LONRF2: variants seen among roughly 807,000 people sequenced by gnomAD.
The protein encoded by LONRF2 is LON peptidase N-terminal domain and ring finger 2, also known as LON peptidase N-terminal domain and RING finger protein 2.
LONRF2 carries 35 observed loss-of-function variants against 66.6 expected under a neutral mutation model. That is an observed-to-expected ratio of 0.53 (90% CI 0.40 to 0.70). LONRF2 has a LOEUF of 0.70. Ranked by LOEUF, LONRF2 falls within the 30% of genes least tolerant of loss-of-function variation. The pLI is 0.00. For missense variants in LONRF2, 902 were observed against 1,002.1 expected (o/e 0.90, Z 1.35); for synonymous variants, 417 against 418.1 (o/e 1.00, Z 0.03).
At chr2:100,306,880 C>T (rs985829598) in intron 2 of LONRF2, among the ~76,000 whole-genome samples, 1 of 146,330 alleles carries the variant, frequency 6.8e-6, no homozygotes, top group African/African-American at 2.5e-5. Context: ...ATATCTTTTA[C>T]TATCTTAAAC....
chr2:100,294,140 T>A, intron 9 of LONRF2, 89 bp downstream of exon 9: 2 of 1,506,120 alleles, frequency 1.3e-6, no homozygotes, highest in Non-Finnish European at 1.8e-6. Flanking sequence ...CTGGAGGTTT[T>A]CAAGCATCAG....
intron 1 of LONRF2, among the ~76,000 whole-genome samples, chr2:100,312,931 G>T (rs963610652): frequency 1.8e-4 from 27 of 152,178 alleles, no homozygotes; most frequent in Non-Finnish European, 2.9e-4. Context: ...GAAGAAAAAT[G>T]TACATATGTA....
rs770324425 is a variant in LONRF2, at chr2:100,321,514, C to G, written c.580G>C (p.Glu194Gln). Residue 194 changes from glutamate to glutamine, a missense_variant, in exon 1 of 12, where the codon GAG becomes CAG. Transcript: ENST00000393437. ...CCTGCCAGCCTGCGCAGCCGGCACT[C>G]GGCCGGGAAGCACTTCTCCAGCAGG... ...SGLLEKCFPA[E>Q]CRLRRLAGQA... The G allele has an allele frequency of 6.5e-7, 1 of 1,550,070 alleles. No individual in the cohort carries two copies. The highest frequency in any genetic ancestry group is 1.9e-5 in the Admixed American group (1 of 54,026).
chr2:100,299,034 C>G (rs191170413), intron 6 of LONRF2, 84 bp from the exon 7 acceptor site: 4 of 1,074,500 alleles, frequency 3.7e-6, no homozygotes, highest in Admixed American at 1.8e-5. Context: ...ATTCCTTATG[C>G]AATCCCCTTT....
At position 100,321,917 on chromosome 2, in the gene LONRF2, G is replaced by C. The variant is rs1336438230; in HGVS notation, c.177C>G (p.Gly59=). ...GCGCGTCCCCCAGCCTCAGGCACAGGCCGCGGTCCGGCTGCGCCAGCCCGG... is the reference window on the plus strand; with the variant it reads ...GCGCGTCCCCCAGCCTCAGGCACAGCCCGCGGTCCGGCTGCGCCAGCCCGG... ...MLAGLAQPDR[G]LCLRLGDALA... The change falls in exon 1 of 12, where the codon GGC becomes GGG. Residue 59 remains glycine, a synonymous_variant. Coordinates refer to ENST00000393437, the MANE Select transcript of LONRF2 (RefSeq NM_198461.4). 1.5e-6 allele frequency: 2 copies of C among 1,360,320 alleles called. No individual in the cohort carries two copies. The highest frequency in any genetic ancestry group is 3.5e-5 in the South Asian group (2 of 57,954). 84.3% of individuals were successfully genotyped at this position (1,360,320 alleles called of 1,614,324 possible).
chr2:100,282,263 T>C lies in LONRF2; in HGVS notation c.*2035A>G, dbSNP rs1674755934. 2.0e-5 allele frequency: 3 copies of C among 151,962 alleles called. No individual in the cohort carries two copies. The highest frequency in any genetic ancestry group is 2.0e-4 in the Admixed American group (3 of 15,248). The allele number at this position is 151,962 out of a possible 1,614,324, so 9.4% of individuals were successfully genotyped here. A position where few individuals can be genotyped will look rare whatever the true frequency, so the allele number is the denominator to read the frequency against. ...GTGTGACCTTATGACATTTAAAGAG[T>C]GAGGAAGAGAAAGCAACAGGTTCCA... On this transcript the variant is annotated 3_prime_UTR_variant, in exon 12 of 12. Transcript: ENST00000393437.
rs1161595766 is a variant in LONRF2, at chr2:100,314,124, A to C, written c.680-4899T>G. ...ATTCATTTTTATCTAGTATATACTCAAAAGTAGAAATGCCACATCAGAGGT... is the reference window on the plus strand; with the variant it reads ...ATTCATTTTTATCTAGTATATACTCCAAAGTAGAAATGCCACATCAGAGGT... On this transcript the variant is annotated intron_variant, in intron 1 of 11. Coordinates refer to ENST00000393437, the MANE Select transcript of LONRF2 (RefSeq NM_198461.4). Among the ~76,000 whole-genome samples, 3 of 152,066 alleles carry C rather than the reference A, an allele frequency of 2.0e-5. No homozygotes were observed. In the East Asian group the frequency reaches 5.8e-4, roughly 29 times the overall value.
chr2:100,286,812 T>G, intron 11 of LONRF2, 102 bp downstream of exon 11: 1 of 1,364,882 alleles, frequency 7.3e-7, no homozygotes, highest in Non-Finnish European at 1.0e-6. Context: ...GCAACCACAT[T>G]GGGGTAACCA....
chr2:100,297,200 C>T (rs1675086783), intron 7 of LONRF2, among the ~76,000 whole-genome samples: 1 of 151,952 alleles, frequency 6.6e-6, no homozygotes, highest in Non-Finnish European at 1.5e-5. Flanking sequence ...GCAATCTTGG[C>T]TCACTGCAAG....
At chr2:100,297,433 G>A (rs536224846) in intron 7 of LONRF2, among the ~76,000 whole-genome samples, 37 of 152,108 alleles carry the variant, frequency 2.4e-4, no homozygotes, top group African/African-American at 8.2e-4. Context: ...CACTGCACCC[G>A]GCCAAGCAGC....
intron 10 of LONRF2, among the ~76,000 whole-genome samples, chr2:100,290,032 G>T (rs1247857162): frequency 6.6e-6 from 1 of 152,114 alleles, no homozygotes; most frequent in Non-Finnish European, 1.5e-5. Flanking sequence ...GTTTGAGCCT[G>T]GGAGGTCAAG....
At position 100,278,524 on chromosome 2, in the gene LONRF2, G is replaced by A. The variant is rs147626837; in HGVS notation, c.*5774C>T. 7 of 152,238 alleles carry A rather than the reference G, an allele frequency of 4.6e-5. No homozygotes were observed. In the East Asian group the frequency reaches 1.4e-3, roughly 30 times the overall value. 9.4% of individuals were successfully genotyped at this position (152,238 alleles called of 1,614,324 possible). ...TCAAGCACAGCTGCACACATTCTGG[G>A]GTCTATTGATCTTGTCACCACTGAT... On this transcript the variant is annotated 3_prime_UTR_variant, in exon 12 of 12. Coordinates refer to ENST00000393437, the MANE Select transcript of LONRF2 (RefSeq NM_198461.4).
intron 1 of LONRF2, among the ~76,000 whole-genome samples, chr2:100,321,088 A>G (rs890650066): frequency 4.6e-5 from 7 of 152,182 alleles, no homozygotes; most frequent in Non-Finnish European, 1.0e-4. Context: ...AGGATGAGCA[A>G]AAATATTTCG....
Position 100,299,306 on chromosome 2 carries a change from T to C in LONRF2, c.1281A>G (p.Gln427=). The C allele has an allele frequency of 6.3e-7, 1 of 1,578,936 alleles. No homozygotes were observed. The highest frequency in any genetic ancestry group is 8.6e-7 in the Non-Finnish European group (1 of 1,162,850). The change falls in exon 6 of 12, where the codon CAA becomes CAG. Residue 427 remains glutamine, a synonymous_variant. Transcript: ENST00000393437. ...GKIPKKDLSL[Q]RSPNSETEES... ...CTTCTGTCTCAGAGTTTGGGCTCCT[T>C]TGAAGTGAGAGATCTGAATGCGAAA...
chr2:100,300,020 G>GA, intron 4 of LONRF2, 102 bp from the exon 5 acceptor site: 2 of 461,938 alleles, frequency 4.3e-6, no homozygotes, highest in Non-Finnish European at 6.9e-6. Context: ...GAAAAAAAAA[G>GA]GGGGGGGCAT....
chr2:100,288,639 A>C (rs2309825), intron 10 of LONRF2, among the ~76,000 whole-genome samples: 106,068 of 152,086 alleles, frequency 0.7, 37,475 homozygotes, highest in East Asian at 0.93. Flanking sequence ...TCAATTACAA[A>C]GCCAACCCCA....
At chr2:100,289,499 G>C (rs1007183112) in intron 10 of LONRF2, among the ~76,000 whole-genome samples, 11 of 133,082 alleles carry the variant, frequency 8.3e-5, no homozygotes, top group Non-Finnish European at 1.5e-4. Context: ...GCAGTGGCAC[G>C]ATCTCAGCTC....
rs1337842772 is a variant in LONRF2 at position 100,273,642 on chromosome 2, C to G, written c.*10656G>C. 6.6e-6 allele frequency: 1 copy of G among 152,120 alleles called. No individual in the cohort carries two copies. Among genetic ancestry groups the G allele is most frequent in the Non-Finnish European group, 1.5e-5 (1 of 68,020 alleles). 9.4% of individuals were successfully genotyped at this position (152,120 alleles called of 1,614,324 possible). On this transcript the variant is annotated 3_prime_UTR_variant, in exon 12 of 12. Transcript: ENST00000393437. ...GACTTAAACTTCAGAAACAGAAGGC[C>G]AGATGAGTGACCTGTATCACAGGAT... is the stretch of plus-strand genomic sequence containing the variant.
At chr2:100,304,112 T>C (rs1675240225) in intron 2 of LONRF2, among the ~76,000 whole-genome samples, 1 of 152,082 alleles carries the variant, frequency 6.6e-6, no homozygotes, top group Non-Finnish European at 1.5e-5. Flanking sequence ...TACCTAGAAA[T>C]TTTAAATTTC....
Sources: allele counts gnomAD v4.1 joint callset (sites outside exome capture counted in the v4.1 genomes callset), GRCh38; gene constraint gnomAD v4.1.1; transcripts MANE v1.5; gene names NCBI Gene and HGNC (gene_info 2026-07-23, HGNC 2026-07-21).